The following GLI4 variants were observed in gnomAD, a reference collection of about 807,000 sequenced individuals.
The protein encoded by GLI4 is zinc finger protein GLI4.
A neutral mutation model predicts 30.9 loss-of-function variants in GLI4; 34 were observed. The observed-to-expected ratio is 1.10, with a 90% CI of 0.84 to 1.47. GLI4 has a LOEUF of 1.47. Ranked by LOEUF, GLI4 falls within the 40% of genes most tolerant of loss-of-function variation. The probability of loss-of-function intolerance (pLI) is 0.00; values close to 1 mark genes in which losing one functional copy is unlikely to be tolerated. For missense variants in GLI4, 696 were observed against 538.9 expected, an observed-to-expected ratio of 1.29 and a Z score of -2.89; for synonymous variants, 277 against 236.7, an observed-to-expected ratio of 1.17 and a Z score of -1.56.
chr8:143,268,859 C>CTGCTGCTGCTGCTGCTGCTGCTGT (rs35422165), intron 1 of GLI4, among the ~76,000 whole-genome samples: 37,053 of 149,198 alleles, frequency 0.25, 5,912 homozygotes, highest in East Asian at 0.47. Flanking sequence ...GCTGCTGCTG[C>CTGCTGCTGCTGCTGCTGCTGCTGT]TGTTGTTTGA....
At chr8:143,269,824 C>A (rs1815226019) in intron 2 of GLI4, among the ~76,000 whole-genome samples, 1 of 152,238 alleles carries the variant, frequency 6.6e-6, no homozygotes, top group Admixed American at 6.5e-5. Flanking sequence ...AATCTGGATC[C>A]AGCGTGACCA....
intron 1 of GLI4, among the ~76,000 whole-genome samples, chr8:143,268,585 T>C (rs1488538467): frequency 6.6e-6 from 1 of 152,158 alleles, no homozygotes; most frequent in African/African-American, 2.4e-5. Context: ...GGAAAAACCT[T>C]ATTAAGATTT....
chr8:143,274,997 C>G (rs773811907), intron 3 of GLI4, 195 bp downstream of exon 3: 5 of 1,501,622 alleles, frequency 3.3e-6, no homozygotes, highest in African/African-American at 2.7e-5. Context: ...TGATGCTTCC[C>G]GAGGCGGTGA....
rs746338737 is a variant in GLI4, at chr8:143,276,825, C to T, written c.*21C>T. The T allele has an allele frequency of 2.0e-6, 3 of 1,471,074 alleles. No individual in the cohort carries two copies. The highest frequency in any genetic ancestry group is 2.7e-6 in the Non-Finnish European group (3 of 1,098,112). 91.1% of individuals were successfully genotyped at this position (1,471,074 alleles called of 1,614,324 possible). On this transcript the variant is annotated 3_prime_UTR_variant, in exon 4 of 4. Transcript: ENST00000340042. ...AGTAGCCGGGCGGGGGCTCGGGGCTCGGCCTCCTACCTGCCCCCAACCCAC... is the reference window on the plus strand; with the variant it reads ...AGTAGCCGGGCGGGGGCTCGGGGCTTGGCCTCCTACCTGCCCCCAACCCAC...
Position 143,269,522 on chromosome 8 carries a change from T to C in GLI4, c.124+2T>C. On this transcript the variant is annotated splice_donor_variant, in intron 2 of 3. Coordinates refer to ENST00000340042, the MANE Select transcript of GLI4 (RefSeq NM_138465.4). LOFTEE classifies it high-confidence loss of function. ...TTCACCTCCATGGGCATCAACATGG[T>C]ACTCACCCAGCCCGCTGTGCGCCCT... is the stretch of plus-strand genomic sequence containing the variant. 2 of 1,611,352 alleles carry C rather than the reference T, an allele frequency of 1.2e-6. No homozygotes were observed. The highest frequency in any genetic ancestry group is 8.5e-7 in the Non-Finnish European group (1 of 1,178,062).
In GLI4 at chr8:143,275,554, G is replaced by A. The variant is rs1270065702; in HGVS notation, c.224-343G>A. ...GGAGCTCTGGCGTCCCCCAGGCTCC[G>A]GGTCCTCACCAACACTTAGTGCTTC... On this transcript the variant is annotated intron_variant, in intron 3 of 3. Coordinates refer to ENST00000340042, the MANE Select transcript of GLI4 (RefSeq NM_138465.4). 8.8e-6 allele frequency: 11 copies of A among 1,253,672 alleles called. No individual in the cohort carries two copies. In the African/African-American group the frequency reaches 1.2e-4, roughly 14 times the overall value. The allele number at this position is 1,253,672 out of a possible 1,614,324, so 77.7% of individuals were successfully genotyped here.
At position 143,275,989 on chromosome 8, in the gene GLI4, A is replaced by C; in HGVS notation, c.316A>C (p.Ser106Arg). 1 of 1,401,404 alleles carries C rather than the reference A, an allele frequency of 7.1e-7. No homozygotes were observed. Among genetic ancestry groups the C allele is most frequent in the Non-Finnish European group, 9.3e-7 (1 of 1,080,916 alleles). The allele number at this position is 1,401,404 out of a possible 1,614,324, so 86.8% of individuals were successfully genotyped here. A position where few individuals can be genotyped will look rare whatever the true frequency, so the allele number is the denominator to read the frequency against. ...AGGALRSLLR[S>R]LPRRARCSAG... is the part of the protein sequence containing the mutation. ...CGGGGCGCTGCGCAGCCTCCTGAGG[A>C]GCCTTCCCCGCAGGGCCCGGTGCAG... Residue 106 changes from serine (S) to arginine (R), a missense_variant, in exon 4 of 4, where the codon AGC (serine) becomes CGC (arginine). By Grantham distance (110) the Ser-to-Arg change is moderately radical. Coordinates refer to ENST00000340042, the MANE Select transcript of GLI4 (RefSeq NM_138465.4).
intron 2 of GLI4, 73 bp downstream of exon 2, chr8:143,269,593 T>C: frequency 1.6e-6 from 2 of 1,284,906 alleles, no homozygotes; most frequent in Non-Finnish European, 2.3e-6. Context: ...TGTCTCCTCC[T>C]GACCTGCCAC....
At chr8:143,270,674 A>G (rs2129668887) in intron 2 of GLI4, among the ~76,000 whole-genome samples, 1 of 152,292 alleles carries the variant, frequency 6.6e-6, no homozygotes, top group East Asian at 1.9e-4. Flanking sequence ...TCATCTGTAC[A>G]ATGGCTGAGA....
At chr8:143,275,034 TGGCCCCACGTGGACTCCTGCC>T (rs1481733785) in intron 3 of GLI4, 1 of 1,525,960 alleles carries the variant, frequency 6.6e-7, no homozygotes, top group East Asian at 2.5e-5. Flanking sequence ...CCTGCGCCAG[TGGCCCCACGTGGACTCCTGCC>T]GGCCCCAGCT....
At chr8:143,267,828 C>G in intron 1 of GLI4, 1 of 985,454 alleles carries the variant, frequency 1.0e-6, no homozygotes, top group Non-Finnish European at 1.2e-6. Flanking sequence ...CGAGGAGCCG[C>G]CGGACCCCAG....
Position 143,269,426 on chromosome 8 carries a change from C to T in GLI4, c.30C>T (p.Ser10=), listed in dbSNP as rs1281242300. 6.2e-7 allele frequency: 1 copy of T among 1,609,292 alleles called. No individual in the cohort carries two copies. Among genetic ancestry groups the T allele is most frequent in the Non-Finnish European group, 8.5e-7 (1 of 1,176,134 alleles). Residue 10 remains serine (S), a synonymous_variant, in exon 2 of 4, where the codon TCC becomes TCT. Transcript: ENST00000340042. ...CAGCCCTAGGGGACATTCAGGAGTCCCCTTCTGTCCCGTCCCCTGTCAGTC... is the reference window on the plus strand; with the variant it reads ...CAGCCCTAGGGGACATTCAGGAGTCTCCTTCTGTCCCGTCCCCTGTCAGTC... The part of the protein sequence containing the change: MAALGDIQE[S]PSVPSPVSLS...
chr8:143,274,116 G>T (rs763903028), intron 2 of GLI4, among the ~76,000 whole-genome samples: 4 of 152,170 alleles, frequency 2.6e-5, no homozygotes, highest in Non-Finnish European at 5.9e-5. Flanking sequence ...AGGGGTGAGG[G>T]GCTCATAGAT....
At chr8:143,271,707 C>T (rs1000759240) in intron 2 of GLI4, among the ~76,000 whole-genome samples, 2 of 152,146 alleles carry the variant, frequency 1.3e-5, no homozygotes, top group Non-Finnish European at 2.9e-5. Flanking sequence ...CAGGCCGTGA[C>T]GTATCAGGGA....
rs1815392159 is a variant in GLI4 at position 143,276,498 on chromosome 8, C to T, written c.825C>T (p.Ala275=). ...ACAAGTGCGGCGAGTGCGGCCAGGCCTTCAGCCAGAGCTCCAACCTGGTGC... is the reference window on the plus strand; with the variant it reads ...ACAAGTGCGGCGAGTGCGGCCAGGCTTTCAGCCAGAGCTCCAACCTGGTGC... ...KPYKCGECGQ[A]FSQSSNLVRH... Residue 275 remains alanine (A), a synonymous_variant, in exon 4 of 4, where the codon GCC becomes GCT. Transcript: ENST00000340042. 1.2e-6 allele frequency: 2 copies of T among 1,612,824 alleles called. No homozygotes were observed. The highest frequency in any genetic ancestry group is 1.7e-5 in the Admixed American group (1 of 59,964).
chr8:143,268,770 C>T (rs534615356), intron 1 of GLI4, among the ~76,000 whole-genome samples: 1 of 152,064 alleles, frequency 6.6e-6, no homozygotes, highest in East Asian at 1.9e-4. Flanking sequence ...CTTCAGCCCC[C>T]ACAGGCGTCT....
intron 2 of GLI4, 120 bp from the exon 3 acceptor site, chr8:143,274,584 T>G: frequency 1.1e-6 from 1 of 948,358 alleles, no homozygotes; most frequent in Non-Finnish European, 1.5e-6. Flanking sequence ...GCTGTTGGGA[T>G]TGGGAGGGCC....
chr8:143,275,236 C>T (rs776709972), intron 3 of GLI4: 1 of 1,529,970 alleles, frequency 6.5e-7, no homozygotes, highest in South Asian at 1.2e-5. Context: ...TCCAGGTCCC[C>T]TGCACCTCCC....
chr8:143,271,703 G>A (rs560355820), intron 2 of GLI4, among the ~76,000 whole-genome samples: 32 of 152,306 alleles, frequency 2.1e-4, no homozygotes, highest in African/African-American at 7.5e-4. Flanking sequence ...GCACCAGGCC[G>A]TGACGTATCA....
Sources: allele counts gnomAD v4.1 joint callset (sites outside exome capture counted in the v4.1 genomes callset), GRCh38; gene constraint gnomAD v4.1.1; transcripts MANE v1.5; gene names NCBI Gene and HGNC (gene_info 2026-07-23, HGNC 2026-07-21).